NR3C2: variants seen among roughly 807,000 people sequenced by gnomAD.
NR3C2 encodes nuclear receptor subfamily 3 group C member 2, also known as mineralocorticoid receptor.
Under a neutral mutation model 86.4 loss-of-function variants are expected in NR3C2, and 15 were observed. The observed-to-expected ratio is 0.17, with a 90% CI of 0.12 to 0.27. The LOEUF (loss-of-function observed/expected upper bound fraction) is 0.27, where lower values mean the gene tolerates loss of function less well. NR3C2 is among the 10% of genes least tolerant of loss of function. The pLI, the probability that NR3C2 is intolerant of heterozygous loss-of-function variation, is 1.00. For missense variants in NR3C2, 960 were observed against 1,195.6 expected (o/e 0.80, Z 2.91); for synonymous variants, 458 against 450.5 (o/e 1.02, Z -0.21).
In NR3C2 at chr4:148,441,753, C is replaced by T. The variant is rs552965859; in HGVS notation, c.-3+407G>A. Reference sequence around the variant, plus strand: ...ACAGGATCTATTAGGATCTATATCTCCTTCAACTGCCCTTATGCGCTACAC... The same window carrying T: ...ACAGGATCTATTAGGATCTATATCTTCTTCAACTGCCCTTATGCGCTACAC... On this transcript the variant is annotated intron_variant, in intron 1 of 8. Coordinates refer to ENST00000358102, the MANE Select transcript of NR3C2 (RefSeq NM_000901.5). Among the ~76,000 whole-genome samples, 13 of 152,340 alleles carry T rather than the reference C, an allele frequency of 8.5e-5. No individual in the cohort carries two copies. In the South Asian group the frequency reaches 2.3e-3, roughly 27 times the overall value.
chr4:148,333,679 T>C (rs975446727), intron 2 of NR3C2, among the ~76,000 whole-genome samples: 3 of 152,172 alleles, frequency 2.0e-5, no homozygotes, highest in Non-Finnish European at 4.4e-5. Flanking sequence ...TATCTATAAC[T>C]GAACCTACCC....
At chr4:148,151,289 TTAATATGTG>T (rs1352397445) in intron 6 of NR3C2, among the ~76,000 whole-genome samples, 1 of 152,218 alleles carries the variant, frequency 6.6e-6, no homozygotes, top group Non-Finnish European at 1.5e-5. Flanking sequence ...AGAACCCTCT[TTAATATGTG>T]TTTTCTTCTG....
upstream of NR3C2, chr4:148,442,715 A>C (rs1406194066): frequency 1.0e-6 from 1 of 985,226 alleles, no homozygotes; most frequent in East Asian, 1.1e-4. Context: ...TGGACTCGGC[A>C]GCTTCCTTAA....
At chr4:148,265,247 A>G (rs771524861) in intron 2 of NR3C2, among the ~76,000 whole-genome samples, 1 of 152,204 alleles carries the variant, frequency 6.6e-6, no homozygotes, top group Non-Finnish European at 1.5e-5. Context: ...CAGTAAAGAG[A>G]TAGAAAAGAT....
At chr4:148,256,947 T>C (rs1264396750) in intron 3 of NR3C2, among the ~76,000 whole-genome samples, 1 of 152,190 alleles carries the variant, frequency 6.6e-6, no homozygotes. Flanking sequence ...ACAGTCTGCA[T>C]AGTCACTGCT....
intron 3 of NR3C2, among the ~76,000 whole-genome samples, chr4:148,205,204 A>T (rs1028242808): frequency 6.6e-6 from 1 of 152,246 alleles, no homozygotes; most frequent in African/African-American, 2.4e-5. Context: ...GGACAACTGA[A>T]TCATAAACTT....
intron 7 of NR3C2, among the ~76,000 whole-genome samples, chr4:148,115,444 A>G (rs976375218): frequency 1.3e-5 from 2 of 152,214 alleles, no homozygotes; most frequent in African/African-American, 4.8e-5. Flanking sequence ...CCTAATGAAA[A>G]TTCACCTTGG....
At chr4:148,373,369 A>G (rs1746510291) in intron 2 of NR3C2, among the ~76,000 whole-genome samples, 1 of 151,834 alleles carries the variant, frequency 6.6e-6, no homozygotes, top group African/African-American at 2.4e-5. Context: ...ACTATCCTGT[A>G]TCATGCCTTA....
intron 8 of NR3C2, among the ~76,000 whole-genome samples, chr4:148,109,158 C>G (rs1185125032): frequency 6.6e-6 from 1 of 152,186 alleles, no homozygotes; most frequent in Admixed American, 6.5e-5. Flanking sequence ...TAAGGATCCT[C>G]TGATGCCCCC....
chr4:148,123,259 T>C (rs917060600), intron 6 of NR3C2, among the ~76,000 whole-genome samples: 9 of 152,170 alleles, frequency 5.9e-5, no homozygotes, highest in Non-Finnish European at 1.2e-4. Context: ...GGTTCTCTGC[T>C]CTCAAACCTT....
chr4:148,081,746 G>T (rs902796452), intron 8 of NR3C2, among the ~76,000 whole-genome samples: 5 of 152,204 alleles, frequency 3.3e-5, no homozygotes, highest in African/African-American at 1.2e-4. Context: ...AGCACTGAAT[G>T]TATGAGCTGA....
intron 8 of NR3C2, among the ~76,000 whole-genome samples, chr4:148,085,569 C>T (rs888467955): frequency 2.6e-5 from 4 of 152,090 alleles, no homozygotes; most frequent in Admixed American, 6.6e-5. Flanking sequence ...ACCCTAACAT[C>T]ACAATTAAAA....
At chr4:148,444,957 GC>G, upstream of NR3C2, 1 of 984,940 alleles carries the variant, frequency 1.0e-6, no homozygotes, top group Non-Finnish European at 1.2e-6. Flanking sequence ...AGCTCCGGCG[GC>G]CGAGCGCGTG....
At chr4:148,276,651 A>T (rs1579096264) in intron 2 of NR3C2, among the ~76,000 whole-genome samples, 2 of 152,296 alleles carry the variant, frequency 1.3e-5, no homozygotes, top group East Asian at 3.9e-4. Flanking sequence ...ACTGAATGAA[A>T]ATAGGTAAGT....
intron 8 of NR3C2, among the ~76,000 whole-genome samples, chr4:148,085,314 G>A (rs1444780256): frequency 2.6e-5 from 4 of 152,142 alleles, no homozygotes; most frequent in East Asian, 1.9e-4. Flanking sequence ...CAGTGCCATC[G>A]AATTAGAACT....
chr4:148,140,651 C>T (rs753408071), intron 6 of NR3C2, among the ~76,000 whole-genome samples: 2 of 152,164 alleles, frequency 1.3e-5, no homozygotes, highest in Non-Finnish European at 2.9e-5. Flanking sequence ...AAGCAATATG[C>T]TAATATTAGC....
chr4:148,400,247 C>T (rs1306961557), intron 2 of NR3C2, among the ~76,000 whole-genome samples: 1 of 152,168 alleles, frequency 6.6e-6, no homozygotes, highest in Non-Finnish European at 1.5e-5. Context: ...AGTGTATCTA[C>T]ATGAAGTGGG....
At chr4:148,325,132 G>C (rs1314520612) in intron 2 of NR3C2, among the ~76,000 whole-genome samples, 1 of 126,280 alleles carries the variant, frequency 7.9e-6, no homozygotes, top group Non-Finnish European at 1.6e-5. Context: ...GAGGGAGAGA[G>C]AATGAGAGAG....
At chr4:148,324,359 GTGTGTGTT>G (rs57552822) in intron 2 of NR3C2, among the ~76,000 whole-genome samples, 5,106 of 75,340 alleles carry the variant, frequency 0.068, 132 homozygotes, top group African/African-American at 0.14. Flanking sequence ...GTGTGTGTGT[GTGTGTGTT>G]TGTGTGTGTG....
Sources: allele counts gnomAD v4.1 joint callset (sites outside exome capture counted in the v4.1 genomes callset), GRCh38; gene constraint gnomAD v4.1.1; transcripts MANE v1.5; gene names NCBI Gene and HGNC (gene_info 2026-07-23, HGNC 2026-07-21).